LRRTM4: variants seen among roughly 807,000 people sequenced by gnomAD.
The protein encoded by LRRTM4 is leucine rich repeat transmembrane neuronal 4.
LRRTM4 carries 25 observed loss-of-function variants against 47.6 expected under a neutral mutation model. The observed-to-expected ratio is 0.53, with a 90% confidence interval of 0.38 to 0.73. The LOEUF (loss-of-function observed/expected upper bound fraction) is 0.73, where lower values mean the gene tolerates loss of function less well. LRRTM4 is among the 30% of genes least tolerant of loss of function. The pLI is 0.00. For synonymous variants in LRRTM4, 311 were observed against 269.5 expected, an observed-to-expected ratio of 1.15 and a Z score of -1.51; for missense variants, 638 against 713.4, an observed-to-expected ratio of 0.89 and a Z score of 1.20.
chr2:77,069,223 C>A (rs938450495), intron 3 of LRRTM4, among the ~76,000 whole-genome samples: 9 of 151,960 alleles, frequency 5.9e-5, no homozygotes, highest in Non-Finnish European at 1.3e-4. Context: ...AGGGTCTCCC[C>A]GACCGAGTTG....
chr2:76,807,457 T>TATATATAC (rs1553412656), intron 3 of LRRTM4, among the ~76,000 whole-genome samples: 3,564 of 93,880 alleles, frequency 0.038, 118 homozygotes, highest in Middle Eastern at 0.075. Context: ...TATATATATA[T>TATATATAC]ACATATATAT....
chr2:77,267,218 A>G (rs1011611333), intron 3 of LRRTM4, among the ~76,000 whole-genome samples: 1 of 152,220 alleles, frequency 6.6e-6, no homozygotes, highest in Non-Finnish European at 1.5e-5. Flanking sequence ...AAGGTCCAAC[A>G]TATTACTAAT....
intron 3 of LRRTM4, among the ~76,000 whole-genome samples, chr2:77,215,602 G>GACT (rs1027601623): frequency 2.4e-4 from 37 of 152,102 alleles, no homozygotes; most frequent in Admixed American, 2.2e-3. Context: ...ATATATTGAA[G>GACT]ACTTATTTTT....
intron 3 of LRRTM4, among the ~76,000 whole-genome samples, chr2:77,243,583 T>C (rs572216430): frequency 1.6e-4 from 24 of 150,358 alleles, no homozygotes; most frequent in Non-Finnish European, 1.8e-4. Context: ...GTTTTAGTTT[T>C]GCAAGTTGAA....
chr2:76,779,314 C>G (rs1432973862), intron 3 of LRRTM4, among the ~76,000 whole-genome samples: 2 of 142,006 alleles, frequency 1.4e-5, no homozygotes, highest in Admixed American at 7.2e-5. Flanking sequence ...CCTGGGTATC[C>G]TTGTTGACTT....
intron 3 of LRRTM4, among the ~76,000 whole-genome samples, chr2:76,771,641 G>GAAAAA (rs748214529): frequency 1.4e-5 from 1 of 69,658 alleles, no homozygotes; most frequent in African/African-American, 5.9e-5. Flanking sequence ...CAGGTGAACA[G>GAAAAA]AAAAAAAAAA....
At chr2:77,517,552 T>C (rs1465290082) in intron 3 of LRRTM4, 1 of 985,038 alleles carries the variant, frequency 1.0e-6, no homozygotes, top group Non-Finnish European at 1.2e-6. Context: ...AGTTTCATTC[T>C]GATTAAACAC....
chr2:77,518,467 T>C lies in LRRTM4; in HGVS notation c.1402A>G (p.Lys468Glu). ...TGTCTTTCAGACTCTCTGGCCTTTT[T>C]CCGCCGCCTCTTCATAAGAGAGTGT... ...QQHSLMKRRR[K>E]KARESERQMN... The change falls in exon 3 of 4, where the codon AAA becomes GAA. Residue 468 changes from lysine (K) to glutamate (E), a missense_variant. By Grantham distance (56) the Lys-to-Glu change is moderately conservative. Coordinates refer to ENST00000409884, the MANE Select transcript of LRRTM4 (RefSeq NM_001134745.3). The C allele has an allele frequency of 1.2e-6, 2 of 1,613,396 alleles. No homozygotes were observed. Among genetic ancestry groups the C allele is most frequent in the Non-Finnish European group, 1.7e-6 (2 of 1,179,624 alleles).
chr2:77,015,489 C>A (rs1350334479), intron 3 of LRRTM4, among the ~76,000 whole-genome samples: 3 of 151,988 alleles, frequency 2.0e-5, no homozygotes, highest in Admixed American at 6.6e-5. Flanking sequence ...GCATGCCCAG[C>A]CAATTTTTGT....
At chr2:76,834,204 C>G (rs1044501163) in intron 3 of LRRTM4, among the ~76,000 whole-genome samples, 3 of 124,948 alleles carry the variant, frequency 2.4e-5, no homozygotes, top group African/African-American at 6.8e-5. Flanking sequence ...GCATGCCAAG[C>G]TAATTTTTTT....
intron 3 of LRRTM4, among the ~76,000 whole-genome samples, chr2:77,126,172 A>G (rs1201861690): frequency 2.0e-5 from 3 of 151,978 alleles, no homozygotes; most frequent in Admixed American, 2.0e-4. Flanking sequence ...AGCACACTGT[A>G]CCTTTATGTT....
chr2:76,790,770 C>T (rs1558654980), intron 3 of LRRTM4, among the ~76,000 whole-genome samples: 1 of 151,566 alleles, frequency 6.6e-6, no homozygotes, highest in African/African-American at 2.4e-5. Flanking sequence ...TAAATCTACT[C>T]TTTGATCAAA....
At chr2:77,025,974 C>T (rs7581491) in intron 3 of LRRTM4, among the ~76,000 whole-genome samples, 5,004 of 152,218 alleles carry the variant, frequency 0.033, 239 homozygotes, top group African/African-American at 0.11. Flanking sequence ...CACGATTGCA[C>T]ATGTTTCCTA....
intron 3 of LRRTM4, among the ~76,000 whole-genome samples, chr2:76,978,001 C>T (rs557101403): frequency 1.3e-5 from 2 of 151,996 alleles, no homozygotes; most frequent in African/African-American, 2.4e-5. Context: ...TATTTACATT[C>T]AGTCAGTGTG....
At chr2:77,330,511 G>C (rs1254618621) in intron 3 of LRRTM4, among the ~76,000 whole-genome samples, 1 of 152,098 alleles carries the variant, frequency 6.6e-6, no homozygotes. Flanking sequence ...ATAATAAGCT[G>C]ATAAGCTGCC....
At chr2:77,089,637 G>A (rs538930921) in intron 3 of LRRTM4, among the ~76,000 whole-genome samples, 43 of 151,938 alleles carry the variant, frequency 2.8e-4, no homozygotes, top group Non-Finnish European at 5.4e-4. Flanking sequence ...TTCACTATGG[G>A]AACCTTCCAC....
intron 3 of LRRTM4, among the ~76,000 whole-genome samples, chr2:76,946,966 A>G (rs1675342386): frequency 1.3e-5 from 2 of 151,916 alleles, no homozygotes; most frequent in African/African-American, 4.8e-5. Context: ...TTGTTTGAAA[A>G]CATTACAGTG....
At chr2:76,798,067 C>T (rs2103754221) in intron 3 of LRRTM4, among the ~76,000 whole-genome samples, 1 of 150,862 alleles carries the variant, frequency 6.6e-6, no homozygotes, top group South Asian at 2.1e-4. Context: ...CAAGGATACC[C>T]AGGAATTGAA....
At chr2:77,475,847 A>T (rs1271786415) in intron 3 of LRRTM4, among the ~76,000 whole-genome samples, 1 of 151,766 alleles carries the variant, frequency 6.6e-6, no homozygotes, top group African/African-American at 2.4e-5. Context: ...ATATATTGTC[A>T]ATTTATATTT....
Sources: allele counts gnomAD v4.1 joint callset (sites outside exome capture counted in the v4.1 genomes callset), GRCh38; gene constraint gnomAD v4.1.1; transcripts MANE v1.5; gene names NCBI Gene and HGNC (gene_info 2026-07-23, HGNC 2026-07-21).